The following KRT86 variants were observed in gnomAD, a reference collection of about 807,000 sequenced individuals.
The protein encoded by KRT86 is keratin 86.
A neutral mutation model predicts 41.2 loss-of-function variants in KRT86; 30 were observed. The ratio of observed to expected loss-of-function variants is 0.73; its 90% confidence interval spans 0.54 to 0.99. The LOEUF is 0.99. KRT86 is among the 50% of genes least tolerant of loss of function. The pLI is 0.00. For missense variants in KRT86, 561 were observed against 571.4 expected (o/e 0.98, Z 0.19); for synonymous variants, 238 against 238.1 (o/e 1.00, Z 0.00).
At chr12:52,298,774 G>A (rs562523313) in intron 2 of KRT86, among the ~76,000 whole-genome samples, 1 of 152,166 alleles carries the variant, frequency 6.6e-6, no homozygotes, top group Non-Finnish European at 1.5e-5. Flanking sequence ...AATATGCCAT[G>A]TATTCAAACT....
chr12:52,291,609 A>C (rs532901679), intron 2 of KRT86: 1 of 1,322,578 alleles, frequency 7.6e-7, no homozygotes, highest in African/African-American at 1.5e-5. Context: ...ATGTTGGGGC[A>C]ATTTGCGCTT....
chr12:52,282,227 C>T (rs1937789731), intron 2 of KRT86, among the ~76,000 whole-genome samples: 1 of 145,070 alleles, frequency 6.9e-6, no homozygotes, highest in Admixed American at 7.3e-5. Flanking sequence ...TTTTGAGCCC[C>T]CTGAAACAAT....
intron 2 of KRT86, among the ~76,000 whole-genome samples, chr12:52,292,062 T>A (rs1282761420): frequency 6.6e-6 from 1 of 152,222 alleles, no homozygotes; most frequent in Admixed American, 6.5e-5. Context: ...ACCATCTCAC[T>A]TTTCCTACCA....
chr12:52,283,428 CT>C (rs1265685403), intron 2 of KRT86, among the ~76,000 whole-genome samples: 1 of 135,844 alleles, frequency 7.4e-6, no homozygotes, highest in Non-Finnish European at 1.6e-5. Flanking sequence ...AATAATAGAG[CT>C]TTAAATTGGT....
In KRT86 at chr12:52,283,697, C is replaced by T. The variant is rs558598846; in HGVS notation, c.-5+7751C>T. 3.9e-5 allele frequency among the ~76,000 whole-genome samples: 6 copies of T among 152,240 alleles called. 1 individual carries two copies. The highest frequency in any genetic ancestry group is 3.3e-4 in the Admixed American group (5 of 15,306). On this transcript the variant is annotated intron_variant, in intron 2 of 10. Transcript: ENST00000423955. ...GTTTCTTCCTATTGGTCACGCTGGT[C>T]TCAAACTCCTGACCTCAGGTGATCT...
intron 7 of KRT86, 73 bp from the exon 8 acceptor site, chr12:52,305,589 CA>C: frequency 1.2e-6 from 2 of 1,612,732 alleles, no homozygotes; most frequent in South Asian, 1.1e-5. Flanking sequence ...GCACAACCTG[CA>C]AAATCATCTG....
chr12:52,304,593 C>T (rs1475206455), intron 5 of KRT86, among the ~76,000 whole-genome samples: 1 of 151,688 alleles, frequency 6.6e-6, no homozygotes, highest in African/African-American at 2.4e-5. Flanking sequence ...AGCCCTTGGG[C>T]TTTTGGAGCA....
intron 2 of KRT86, among the ~76,000 whole-genome samples, chr12:52,292,797 T>C (rs1414062509): frequency 6.6e-6 from 1 of 152,264 alleles, no homozygotes; most frequent in Non-Finnish European, 1.5e-5. Flanking sequence ...TGTGTAACTC[T>C]TATTATATCA....
chr12:52,295,774 A>G (rs1294386248), intron 2 of KRT86, among the ~76,000 whole-genome samples: 1 of 152,218 alleles, frequency 6.6e-6, no homozygotes, highest in East Asian at 1.9e-4. Flanking sequence ...ATGAATGAAA[A>G]GAATACCAGC....
intron 2 of KRT86, chr12:52,287,433 C>T: frequency 6.4e-7 from 1 of 1,569,982 alleles, no homozygotes; most frequent in Admixed American, 1.9e-5. Context: ...AACAGAGCCT[C>T]TTGCCTTTAT....
chr12:52,291,533 T>C (rs1395257532), intron 2 of KRT86: 2 of 1,595,878 alleles, frequency 1.3e-6, no homozygotes, highest in South Asian at 2.2e-5. Flanking sequence ...GAAACTCCAA[T>C]GTGCTCCTCA....
At chr12:52,297,419 T>C in intron 2 of KRT86, among the ~76,000 whole-genome samples, 1 of 152,230 alleles carries the variant, frequency 6.6e-6, no homozygotes, top group East Asian at 1.9e-4. Flanking sequence ...AGCATAGAGC[T>C]AGGAAATATC....
intron 3 of KRT86, among the ~76,000 whole-genome samples, 194 bp from the exon 4 acceptor site, chr12:52,302,906 C>T (rs1938419274): frequency 1.4e-5 from 2 of 138,742 alleles, no homozygotes; most frequent in South Asian, 5.2e-4. Flanking sequence ...TGCTCCACTC[C>T]TGAGTGGGAA....
intron 2 of KRT86, among the ~76,000 whole-genome samples, chr12:52,296,617 C>T (rs1173545979): frequency 6.6e-6 from 1 of 152,054 alleles, no homozygotes; most frequent in Non-Finnish European, 1.5e-5. Context: ...GATAATTGGC[C>T]AGCGTCCTGG....
intron 2 of KRT86, among the ~76,000 whole-genome samples, chr12:52,282,531 C>G (rs550289597): frequency 1.3e-5 from 2 of 152,232 alleles, no homozygotes; most frequent in Non-Finnish European, 2.9e-5. Flanking sequence ...CCACCGCGCC[C>G]GGCCAAGTTT....
At chr12:52,296,595 T>A (rs1837096071) in intron 2 of KRT86, among the ~76,000 whole-genome samples, 1 of 152,178 alleles carries the variant, frequency 6.6e-6, no homozygotes, top group Non-Finnish European at 1.5e-5. Flanking sequence ...TCCTCTCTGG[T>A]GAGTTCTGAT....
intron 2 of KRT86, among the ~76,000 whole-genome samples, chr12:52,298,500 G>T (rs569584362): frequency 3.1e-4 from 47 of 152,318 alleles, no homozygotes; most frequent in African/African-American, 1.1e-3. Flanking sequence ...TACGTCTGCA[G>T]CAGCAGCATC....
chr12:52,298,011 G>T (rs1039868270), intron 2 of KRT86, among the ~76,000 whole-genome samples: 2 of 152,222 alleles, frequency 1.3e-5, no homozygotes, highest in African/African-American at 4.8e-5. Flanking sequence ...TTTAATTTAT[G>T]ACTGAGGATT....
rs773861385 is a variant in KRT86, at chr12:52,306,110, G to T, written c.1077G>T (p.Ala359=). The T allele has an allele frequency of 6.2e-7, 1 of 1,613,908 alleles. No homozygotes were observed. The highest frequency in any genetic ancestry group is 8.5e-7 in the Non-Finnish European group (1 of 1,180,050). Residue 359 remains alanine, a synonymous_variant, in exon 9 of 11, where the codon GCG becomes GCT. Transcript: ENST00000423955. The part of the protein sequence containing the change: ...AVAQSEQQGE[A]ALSDARCKLA... Reference sequence around the variant, plus strand: ...CTCAGTCTGAGCAGCAGGGTGAGGCGGCCCTCAGCGATGCCCGCTGCAAGT... The same window carrying T: ...CTCAGTCTGAGCAGCAGGGTGAGGCTGCCCTCAGCGATGCCCGCTGCAAGT...
Sources: allele counts gnomAD v4.1 joint callset (sites outside exome capture counted in the v4.1 genomes callset), GRCh38; gene constraint gnomAD v4.1.1; transcripts MANE v1.5; gene names NCBI Gene and HGNC (gene_info 2026-07-23, HGNC 2026-07-21).